The following RMDN2 variants were observed in gnomAD, a reference collection of about 807,000 sequenced individuals.
RMDN2 encodes regulator of microtubule dynamics protein 2.
Under a neutral mutation model 52.8 loss-of-function variants are expected in RMDN2, and 61 were observed. That is an observed-to-expected ratio of 1.16 (90% CI 0.94 to 1.43). The LOEUF (loss-of-function observed/expected upper bound fraction) is 1.43. Ranked by LOEUF, RMDN2 falls within the 40% of genes most tolerant of loss-of-function variation. The pLI, the probability that RMDN2 is intolerant of heterozygous loss-of-function variation, is 0.00. For missense variants in RMDN2, 592 were observed against 475.3 expected (o/e 1.25, Z -2.28); for synonymous variants, 180 against 153.1 (o/e 1.18, Z -1.30).
chr2:37,991,860 G>A (rs934999897), intron 7 of RMDN2, among the ~76,000 whole-genome samples: 5 of 152,154 alleles, frequency 3.3e-5, no homozygotes, highest in Non-Finnish European at 7.4e-5. Context: ...CAGCTGGTCC[G>A]TGTCTTAAAT....
At chr2:37,982,146 T>G (rs1673404683) in intron 5 of RMDN2, among the ~76,000 whole-genome samples, 1 of 152,196 alleles carries the variant, frequency 6.6e-6, no homozygotes, top group Non-Finnish European at 1.5e-5. Context: ...AGGGGCACTC[T>G]TAGGCAAAAT....
intron 8 of RMDN2, among the ~76,000 whole-genome samples, chr2:37,998,584 C>A (rs1466150887): frequency 6.6e-6 from 1 of 152,064 alleles, no homozygotes; most frequent in African/African-American, 2.4e-5. Flanking sequence ...TTTCAGGGAG[C>A]AGTTTTGTAG....
intron 10 of RMDN2, among the ~76,000 whole-genome samples, chr2:38,013,785 C>A (rs1284166733): frequency 6.6e-6 from 1 of 152,160 alleles, no homozygotes; most frequent in Non-Finnish European, 1.5e-5. Context: ...TTGTCAAAAT[C>A]CTGTAATGTT....
At chr2:37,928,569 CAA>C (rs941152968) in intron 1 of RMDN2, among the ~76,000 whole-genome samples, 6 of 152,284 alleles carry the variant, frequency 3.9e-5, no homozygotes, top group Middle Eastern at 3.4e-3. Flanking sequence ...GTGAAGCAAT[CAA>C]AGAGAGCTTG....
rs934911852 is a variant in RMDN2 at position 37,974,906 on chromosome 2, C to T, written c.628-306C>T. The T allele has an allele frequency of 2.6e-5, 7 of 269,306 alleles. No individual in the cohort carries two copies. In the Admixed American group the frequency reaches 3.4e-4, roughly 13 times the overall value. 16.7% of individuals were successfully genotyped at this position (269,306 alleles called of 1,614,324 possible). ...GGAAAGGAAAAGAAGAAAAGGATGC[C>T]ACAGCTCAGGAAGAATTTCTAGATT... is the stretch of plus-strand genomic sequence containing the variant. On this transcript the variant is annotated intron_variant, in intron 3 of 10. Coordinates refer to ENST00000354545, the MANE Select transcript of RMDN2 (RefSeq NM_001170791.3).
chr2:37,968,323 A>G (rs1220715620), intron 2 of RMDN2, among the ~76,000 whole-genome samples: 2 of 119,770 alleles, frequency 1.7e-5, no homozygotes, highest in African/African-American at 3.7e-5. Context: ...GGCACCTGTA[A>G]TCCCAGCTTG....
At chr2:37,980,563 C>G (rs1673172869) in intron 4 of RMDN2, among the ~76,000 whole-genome samples, 1 of 152,170 alleles carries the variant, frequency 6.6e-6, no homozygotes. Context: ...CTCGGCCTCC[C>G]AAAGTGCTAG....
chr2:38,049,941 T>C (rs1250302729), intron 10 of RMDN2, among the ~76,000 whole-genome samples: 1 of 152,226 alleles, frequency 6.6e-6, no homozygotes, highest in Non-Finnish European at 1.5e-5. Flanking sequence ...TTGTTACGGC[T>C]AATTATTGCT....
chr2:38,050,204 C>A (rs1260589640), intron 10 of RMDN2, among the ~76,000 whole-genome samples: 1 of 152,056 alleles, frequency 6.6e-6, no homozygotes, highest in Non-Finnish European at 1.5e-5. Flanking sequence ...CACCATGGCC[C>A]CACATGATGT....
intron 2 of RMDN2, among the ~76,000 whole-genome samples, chr2:37,940,961 G>A (rs1386959429): frequency 6.6e-6 from 1 of 152,084 alleles, no homozygotes; most frequent in Non-Finnish European, 1.5e-5. Flanking sequence ...TCCTTTGGAT[G>A]AGAAGAGTCA....
At chr2:37,945,271 A>G (rs573217541) in intron 2 of RMDN2, among the ~76,000 whole-genome samples, 1 of 152,354 alleles carries the variant, frequency 6.6e-6, no homozygotes, top group African/African-American at 2.4e-5. Context: ...ACACATTTGC[A>G]GATTCATTCA....
chr2:37,926,104 C>T (rs549968232), intron 1 of RMDN2, among the ~76,000 whole-genome samples: 1,704 of 152,262 alleles, frequency 0.011, 30 homozygotes, highest in African/African-American at 0.039. Context: ...AAACTTAAAC[C>T]TCGGGCTTTT....
At chr2:37,991,388 A>T (rs1049943399) in intron 7 of RMDN2, 91 bp downstream of exon 7, 1 of 530,920 alleles carries the variant, frequency 1.9e-6, no homozygotes. Flanking sequence ...ATTTTTACCC[A>T]GTGCCTACTT....
chr2:37,973,179 T>A (rs1254938279), intron 2 of RMDN2, among the ~76,000 whole-genome samples: 1 of 152,240 alleles, frequency 6.6e-6, no homozygotes, highest in Non-Finnish European at 1.5e-5. Context: ...TATATATCCT[T>A]GTATACCTCC....
At chr2:38,012,375 C>T (rs138428646) in intron 10 of RMDN2, among the ~76,000 whole-genome samples, 1 of 152,172 alleles carries the variant, frequency 6.6e-6, no homozygotes, top group Non-Finnish European at 1.5e-5. Context: ...TTGTCTCATT[C>T]ATCACTGTAC....
At chr2:37,968,787 T>C (rs1020864991) in intron 2 of RMDN2, among the ~76,000 whole-genome samples, 7 of 152,226 alleles carry the variant, frequency 4.6e-5, no homozygotes, top group Admixed American at 1.3e-4. Context: ...CTAGACCTGC[T>C]GAAAGGCTAT....
rs147223042 is a variant in RMDN2, at chr2:37,984,262, C to G, written c.791+2919C>G. ...TTCTACTGACAAAAAATATTTAATA[C>G]TCCTGGAATCAAGAGAATGAGAATA... On this transcript the variant is annotated intron_variant, in intron 5 of 10. Coordinates refer to ENST00000354545, the MANE Select transcript of RMDN2 (RefSeq NM_001170791.3). Among the ~76,000 whole-genome samples, 320 of 152,230 alleles carry G rather than the reference C, an allele frequency of 2.1e-3. 2 individuals are homozygous for G. The highest frequency in any genetic ancestry group is 7.4e-3 in the African/African-American group (307 of 41,526).
chr2:38,055,766 C>T (rs1333329952), intron 10 of RMDN2, among the ~76,000 whole-genome samples: 2 of 152,178 alleles, frequency 1.3e-5, no homozygotes, highest in Non-Finnish European at 2.9e-5. Flanking sequence ...AATAGACCTT[C>T]CCCTTGCAAC....
At position 37,998,929 on chromosome 2, in the gene RMDN2, C is replaced by G. The variant is rs115209070; in HGVS notation, c.1044+1415C>G. On this transcript the variant is annotated intron_variant, in intron 8 of 10. Transcript: ENST00000354545. ...CCATTTCTTCACCCTTTTCCTACCA[C>G]TGAAAATTAGTTCCCTCTTTTTAAA... Among the ~76,000 whole-genome samples the G allele has an allele frequency of 5.0e-3, 769 of 152,286 alleles. 4 individuals carry two copies. The highest frequency in any genetic ancestry group is 8.1e-3 in the Non-Finnish European group (551 of 68,030).
Sources: gnomAD v4.1 joint callset for allele counts (sites outside exome capture counted in the v4.1 genomes callset) on GRCh38, gnomAD v4.1.1 for gene constraint, MANE v1.5 for transcripts, NCBI Gene and HGNC (gene_info 2026-07-23, HGNC 2026-07-21) for gene names.